The following MRPL1 variants were observed in gnomAD, a reference collection of about 807,000 sequenced individuals.
The protein encoded by MRPL1 is large ribosomal subunit protein uL1m.
Under a neutral mutation model 38.0 loss-of-function variants are expected in MRPL1, and 28 were observed. The observed-to-expected ratio is 0.74, with a 90% CI of 0.55 to 1.01. The LOEUF is 1.01. Among genes scored for constraint, MRPL1 ranks in the 50% least tolerant of loss-of-function variants. The pLI, the probability that MRPL1 is intolerant of heterozygous loss-of-function variation, is 0.00. For synonymous variants in MRPL1, 123 were observed against 126.7 expected (o/e 0.97, Z 0.20); for missense variants, 358 against 389.8 (o/e 0.92, Z 0.69).
At chr4:77,894,642 C>T (rs748579023) in intron 6 of MRPL1, among the ~76,000 whole-genome samples, 8 of 152,016 alleles carry the variant, frequency 5.3e-5, no homozygotes, top group Non-Finnish European at 8.8e-5. Flanking sequence ...ATATGCATGG[C>T]TCTGAAGGTA....
At chr4:77,928,475 T>C (rs1251733076) in intron 7 of MRPL1, among the ~76,000 whole-genome samples, 2 of 152,362 alleles carry the variant, frequency 1.3e-5, no homozygotes, top group Admixed American at 6.5e-5. Context: ...CCCTTATTCC[T>C]TCTAGTTAAT....
At chr4:77,907,708 G>T (rs1400555186) in intron 6 of MRPL1, among the ~76,000 whole-genome samples, 1 of 151,932 alleles carries the variant, frequency 6.6e-6, no homozygotes, top group East Asian at 1.9e-4. Flanking sequence ...GGGTTTACAG[G>T]CATGCGCCAC....
At chr4:77,918,053 CAAA>C (rs774178945) in intron 7 of MRPL1, among the ~76,000 whole-genome samples, 2 of 82,332 alleles carry the variant, frequency 2.4e-5, no homozygotes, top group Non-Finnish European at 2.7e-5. Context: ...GACTTCATCT[CAAA>C]AAAAAAAAAA....
intron 7 of MRPL1, among the ~76,000 whole-genome samples, chr4:77,929,731 T>A (rs1339337898): frequency 6.6e-6 from 1 of 151,198 alleles, no homozygotes; most frequent in Non-Finnish European, 1.5e-5. Context: ...TGTTTTTGTA[T>A]GGCCTGTGAG....
intron 7 of MRPL1, among the ~76,000 whole-genome samples, chr4:77,946,942 A>G (rs142361015): frequency 1.3e-5 from 2 of 151,902 alleles, no homozygotes; most frequent in African/African-American, 2.4e-5. Context: ...TTTAAGAATC[A>G]CTGGTTTGGA....
intron 1 of MRPL1, among the ~76,000 whole-genome samples, chr4:77,863,549 C>T (rs570039793): frequency 1.3e-5 from 2 of 149,812 alleles, no homozygotes; most frequent in South Asian, 4.3e-4. Flanking sequence ...TCACTGCAAC[C>T]TCCGTCTCCC....
intron 7 of MRPL1, among the ~76,000 whole-genome samples, chr4:77,925,656 G>A (rs1334190601): frequency 6.7e-6 from 1 of 149,672 alleles, no homozygotes; most frequent in Non-Finnish European, 1.5e-5. Flanking sequence ...AGATTTGTGA[G>A]GTTTTTTTTT....
intron 7 of MRPL1, among the ~76,000 whole-genome samples, chr4:77,947,924 C>T (rs1242737535): frequency 6.6e-6 from 1 of 152,020 alleles, no homozygotes; most frequent in Non-Finnish European, 1.5e-5. Flanking sequence ...TGTTTTAAAA[C>T]ATTTTTGTGG....
At chr4:77,913,098 G>C (rs1249209227) in intron 7 of MRPL1, among the ~76,000 whole-genome samples, 1 of 151,942 alleles carries the variant, frequency 6.6e-6, no homozygotes, top group Non-Finnish European at 1.5e-5. Flanking sequence ...ACTTTGAGAA[G>C]AAAAAGTTGG....
At chr4:77,942,280 A>G (rs573270565) in intron 7 of MRPL1, among the ~76,000 whole-genome samples, 2 of 152,282 alleles carry the variant, frequency 1.3e-5, no homozygotes, top group East Asian at 1.9e-4. Flanking sequence ...TTTATGGCCT[A>G]TCCTATGATC....
rs766256039 is a variant in MRPL1, at chr4:77,862,899, T to C, written c.31+20T>C. 2.5e-6 allele frequency: 4 copies of C among 1,613,914 alleles called. No homozygotes were observed. The highest frequency in any genetic ancestry group is 3.4e-6 in the Non-Finnish European group (4 of 1,179,964). ...GTAGAGGTAAGGCGAGGGGTTGTCT[T>C]GCAGGGGAAATGGCTCTGGCACCGA... On this transcript the variant is annotated intron_variant, in intron 1 of 8. Transcript: ENST00000315567.
chr4:77,873,203 AG>A (rs1449852971), intron 2 of MRPL1, among the ~76,000 whole-genome samples: 2 of 152,226 alleles, frequency 1.3e-5, no homozygotes, highest in African/African-American at 4.8e-5. Context: ...AGCATATGTT[AG>A]TTCTTTTAAA....
chr4:77,869,692 C>A (rs1000787221), intron 1 of MRPL1, among the ~76,000 whole-genome samples: 2 of 151,974 alleles, frequency 1.3e-5, no homozygotes, highest in Non-Finnish European at 2.9e-5. Context: ...CAGGTTCAAG[C>A]GATTCTTGTG....
At chr4:77,906,061 T>C (rs929235294) in intron 6 of MRPL1, among the ~76,000 whole-genome samples, 2 of 152,182 alleles carry the variant, frequency 1.3e-5, no homozygotes, top group African/African-American at 2.4e-5. Context: ...ATGAGATCAG[T>C]CAGGGAGGTG....
rs969402527 is a variant in MRPL1, at chr4:77,863,461, A to ATTTTTTTTTTTTTTTTTTTTT, written c.31+583_31+603dup. On this transcript the variant is annotated intron_variant, in intron 1 of 8. Transcript: ENST00000315567. ...GATGACAGCCCTTTCTTGTGCAACA[A>ATTTTTTTTTTTTTTTTTTTTT]TTTTTTTTTTTTTTTTTTTTTGAGA... Among the ~76,000 whole-genome samples the ATTTTTTTTTTTTTTTTTTTTT allele has an allele frequency of 8.0e-5, 9 of 112,664 alleles. 1 individual carries two copies. Among genetic ancestry groups the ATTTTTTTTTTTTTTTTTTTTT allele is most frequent in the African/African-American group, 2.7e-4 (7 of 26,136 alleles). 73.9% of individuals were successfully genotyped at this position (112,664 alleles called of 152,430 possible). A position where few individuals can be genotyped will look rare whatever the true frequency, so the allele number is the denominator to read the frequency against.
At chr4:77,863,107 A>G (rs577063804) in intron 1 of MRPL1, 1 of 578,334 alleles carries the variant, frequency 1.7e-6, no homozygotes, top group African/African-American at 1.9e-5. Context: ...CGGGACGTAC[A>G]TCGAGCGCCC....
chr4:77,872,241 G>A (rs1735296864), intron 2 of MRPL1, among the ~76,000 whole-genome samples: 1 of 152,100 alleles, frequency 6.6e-6, no homozygotes, highest in Admixed American at 6.5e-5. Context: ...TGCTTTCGCT[G>A]CCTTTTTAGA....
intron 5 of MRPL1, among the ~76,000 whole-genome samples, chr4:77,892,193 G>A (rs1010781807): frequency 2.6e-5 from 4 of 151,306 alleles, no homozygotes; most frequent in Middle Eastern, 3.4e-3. Flanking sequence ...GTGCAATGGC[G>A]CAATCTCGGC....
intron 2 of MRPL1, among the ~76,000 whole-genome samples, chr4:77,874,153 A>AT (rs2110230506): frequency 6.6e-6 from 1 of 151,820 alleles, no homozygotes; most frequent in South Asian, 2.1e-4. Flanking sequence ...CGCCCAGCTA[A>AT]TTTTTTGTAT....
Sources: gnomAD v4.1 joint callset for allele counts (sites outside exome capture counted in the v4.1 genomes callset) on GRCh38, gnomAD v4.1.1 for gene constraint, MANE v1.5 for transcripts, NCBI Gene and HGNC (gene_info 2026-07-23, HGNC 2026-07-21) for gene names.